Variants in KIF16B observed in about 807,000 individuals in gnomAD.
KIF16B encodes the protein kinesin family member 16B, also known as kinesin-like protein KIF16B.
In KIF16B, 98 loss-of-function variants were observed where a neutral mutation model predicts 156.3. That is an observed-to-expected ratio of 0.63 (90% CI 0.53 to 0.74). KIF16B has a LOEUF of 0.74. Among genes scored for constraint, KIF16B ranks in the 30% least tolerant of loss-of-function variants. The probability of loss-of-function intolerance (pLI) is 0.00; values close to 1 mark genes in which losing one functional copy is unlikely to be tolerated. For synonymous variants in KIF16B, 564 were observed against 583.7 expected (o/e 0.97, Z 0.49); for missense variants, 1,421 against 1,606.5 (o/e 0.88, Z 1.97).
At chr20:16,567,826 C>T (rs2071312335) in intron 1 of KIF16B, among the ~76,000 whole-genome samples, 1 of 152,152 alleles carries the variant, frequency 6.6e-6, no homozygotes, top group South Asian at 2.1e-4. Context: ...GTGGCGGGCG[C>T]CTGTAGTCCC....
intron 12 of KIF16B, among the ~76,000 whole-genome samples, chr20:16,448,089 G>C (rs1286783544): frequency 6.6e-6 from 1 of 152,060 alleles, no homozygotes; most frequent in Non-Finnish European, 1.5e-5. Context: ...AAGTATCCTG[G>C]GCTAGGTCAT....
intron 19 of KIF16B, among the ~76,000 whole-genome samples, chr20:16,378,020 C>T (rs963874920): frequency 1.3e-5 from 2 of 152,122 alleles, no homozygotes; most frequent in Admixed American, 1.3e-4. Flanking sequence ...TTTGTTGGTT[C>T]GGTTGACTGT....
At chr20:16,504,333 C>G (rs530031969) in intron 10 of KIF16B, 39 bp downstream of exon 10, 6 of 1,600,276 alleles carry the variant, frequency 3.7e-6, no homozygotes, top group Non-Finnish European at 5.1e-6. Flanking sequence ...GATGCCATTA[C>G]TCAAAGAAAA....
chr20:16,301,212 C>A (rs1331953943), intron 25 of KIF16B, among the ~76,000 whole-genome samples: 1 of 152,130 alleles, frequency 6.6e-6, no homozygotes, highest in Non-Finnish European at 1.5e-5. Context: ...TTTGGATGTA[C>A]CACAGTTTAT....
chr20:16,462,097 T>A (rs2067360032), intron 12 of KIF16B, among the ~76,000 whole-genome samples: 1 of 152,046 alleles, frequency 6.6e-6, no homozygotes. Flanking sequence ...AAAAATTAGC[T>A]GGGCATGGTG....
intron 23 of KIF16B, among the ~76,000 whole-genome samples, chr20:16,350,576 A>G (rs2064317907): frequency 1.3e-5 from 2 of 152,010 alleles, no homozygotes; most frequent in Admixed American, 6.6e-5. Context: ...AGGCTTTGGC[A>G]TGCTTGGACT....
chr20:16,317,497 A>G (rs184455411), intron 24 of KIF16B, among the ~76,000 whole-genome samples: 1 of 152,378 alleles, frequency 6.6e-6, no homozygotes, highest in East Asian at 1.9e-4. Context: ...AACAAGCATC[A>G]TCATTTCCCC....
In KIF16B at chr20:16,506,004, A is replaced by G; in HGVS notation, c.868+18T>C. 6.2e-7 allele frequency: 1 copy of G among 1,613,500 alleles called. No homozygotes were observed. ...AAGAGGAGGAAACAGAGGAGGCAGG[A>G]GCCAGGCGTAAGCATACCTAAGGCA... is the stretch of plus-strand genomic sequence containing the variant. On this transcript the variant is annotated intron_variant, in intron 8 of 25. Transcript: ENST00000354981.
At chr20:16,323,618 T>G (rs1429133975) in intron 24 of KIF16B, among the ~76,000 whole-genome samples, 1 of 151,908 alleles carries the variant, frequency 6.6e-6, no homozygotes, top group Non-Finnish European at 1.5e-5. Context: ...TGAGCTACCT[T>G]TAGACTCCTG....
chr20:16,277,479 A>AT (rs11473887), intron 25 of KIF16B, among the ~76,000 whole-genome samples: 3 of 145,928 alleles, frequency 2.1e-5, no homozygotes, highest in East Asian at 2.0e-4. Context: ...ATATATATAT[A>AT]AAATATTTAA....
chr20:16,332,917 A>G (rs1170899164), intron 24 of KIF16B, among the ~76,000 whole-genome samples: 1 of 152,138 alleles, frequency 6.6e-6, no homozygotes, highest in Non-Finnish European at 1.5e-5. Context: ...TTAATGTCTA[A>G]AAAGAATTCT....
At chr20:16,368,215 C>A (rs1405633909) in intron 22 of KIF16B, 2 of 1,024,598 alleles carry the variant, frequency 2.0e-6, no homozygotes, top group Non-Finnish European at 2.3e-6. Context: ...AAATGCAGAG[C>A]TCTTTCTAGC....
chr20:16,551,567 C>T (rs1191273550), intron 1 of KIF16B, among the ~76,000 whole-genome samples: 1 of 152,228 alleles, frequency 6.6e-6, no homozygotes, highest in Non-Finnish European at 1.5e-5. Context: ...ATGAGGCTGC[C>T]AATCCCTGGA....
intron 12 of KIF16B, among the ~76,000 whole-genome samples, chr20:16,448,853 A>G (rs2067003595): frequency 1.3e-5 from 2 of 151,078 alleles, no homozygotes; most frequent in Non-Finnish European, 2.9e-5. Context: ...ACATGACCTT[A>G]AGAAAAACAG....
chr20:16,540,224 T>C (rs1568662747), intron 1 of KIF16B, among the ~76,000 whole-genome samples: 4 of 152,182 alleles, frequency 2.6e-5, no homozygotes, highest in African/African-American at 9.7e-5. Context: ...TGCGCGTCTA[T>C]GATTCTAGAT....
chr20:16,378,800 C>G lies in KIF16B; in HGVS notation c.3197+5G>C. ...GTATGCCACACCCTTCCTTCCCAAT[C>G]TCACCTCTCCTGGTCCTTCTCCAGG... On this transcript the variant is annotated splice_donor_5th_base_variant and intron_variant, in intron 19 of 25. Coordinates refer to ENST00000354981, the MANE Select transcript of KIF16B (RefSeq NM_024704.5). 6.3e-7 allele frequency: 1 copy of G among 1,587,760 alleles called. No individual in the cohort carries two copies. Among genetic ancestry groups the G allele is most frequent in the Middle Eastern group, 1.7e-4 (1 of 5,894 alleles).
intron 12 of KIF16B, among the ~76,000 whole-genome samples, chr20:16,439,557 T>C (rs1009290341): frequency 3.9e-5 from 6 of 152,144 alleles, no homozygotes; most frequent in East Asian, 1.9e-4. Context: ...TAAATCTCCA[T>C]AGCTTGCCCT....
chr20:16,544,143 T>C (rs1028974540), intron 1 of KIF16B, among the ~76,000 whole-genome samples: 1 of 152,072 alleles, frequency 6.6e-6, no homozygotes, highest in Non-Finnish European at 1.5e-5. Flanking sequence ...CTTAGCCTCA[T>C]TTCCCACCAC....
chr20:16,427,158 A>G lies in KIF16B; in HGVS notation c.1558T>C (p.Ser520Pro). Residue 520 changes from serine to proline, a missense_variant, in exon 15 of 26, where the codon TCC becomes CCC. By Grantham distance (74) the Ser-to-Pro change is moderately conservative. Coordinates refer to ENST00000354981, the MANE Select transcript of KIF16B (RefSeq NM_024704.5). ...GTVTLIPLSG[S>P]QCSVNGVQIV... ...TGAACACCATTCACAGAGCACTGGG[A>G]CCCACTCAGGGGTATCAGAGTCACT... is the stretch of plus-strand genomic sequence containing the variant. The G allele has an allele frequency of 6.2e-7, 1 of 1,613,012 alleles. No individual in the cohort carries two copies. The highest frequency in any genetic ancestry group is 8.5e-7 in the Non-Finnish European group (1 of 1,179,340).
Sources: allele counts gnomAD v4.1 joint callset (sites outside exome capture counted in the v4.1 genomes callset), GRCh38; gene constraint gnomAD v4.1.1; transcripts MANE v1.5; gene names NCBI Gene and HGNC (gene_info 2026-07-23, HGNC 2026-07-21).